MCC: variants seen among roughly 807,000 people sequenced by gnomAD.
The protein encoded by MCC is MCC regulator of Wnt signaling pathway.
MCC carries 90 observed loss-of-function variants against 116.2 expected under a neutral mutation model. The observed-to-expected ratio is 0.77, with a 90% confidence interval of 0.65 to 0.92. The LOEUF (loss-of-function observed/expected upper bound fraction) is 0.92. Ranked by LOEUF, MCC falls within the 40% of genes least tolerant of loss-of-function variation. The pLI, the probability that MCC is intolerant of heterozygous loss-of-function variation, is 0.00. For synonymous variants in MCC, 578 were observed against 510.5 expected, an observed-to-expected ratio of 1.13 and a Z score of -1.78; for missense variants, 1,516 against 1,312.2, an observed-to-expected ratio of 1.16 and a Z score of -2.40.
chr5:113,405,805 C>CAA (rs980145078), intron 1 of MCC, among the ~76,000 whole-genome samples: 1 of 140,870 alleles, frequency 7.1e-6, no homozygotes, highest in Non-Finnish European at 1.5e-5. Flanking sequence ...GACCCTATCT[C>CAA]AAAAAAAAAA....
chr5:113,174,379 A>G lies in MCC; in HGVS notation c.628-22957T>C, dbSNP rs576161879. 9.2e-5 allele frequency among the ~76,000 whole-genome samples: 14 copies of G among 152,296 alleles called. No individual in the cohort carries two copies. The South Asian group carries it at 2.1e-3, about 23-fold the overall frequency. On this transcript the variant is annotated intron_variant, in intron 3 of 18. Coordinates refer to ENST00000408903, the MANE Select transcript of MCC (RefSeq NM_001085377.2). ...GGATCACCTGCACTGTTTGGCACCTAAGGAGCACCTCTTTTGATCTAATGA... is the reference window on the plus strand; with the variant it reads ...GGATCACCTGCACTGTTTGGCACCTGAGGAGCACCTCTTTTGATCTAATGA...
intron 11 of MCC, among the ~76,000 whole-genome samples, chr5:113,077,388 T>C (rs1381987767): frequency 2.0e-5 from 3 of 152,160 alleles, no homozygotes; most frequent in Admixed American, 6.5e-5. Flanking sequence ...TATTCCAAAA[T>C]TGACCGTGTA....
chr5:113,434,665 G>A lies in MCC; in HGVS notation c.171-49453C>T, dbSNP rs1319841062. On this transcript the variant is annotated intron_variant, in intron 1 of 18. Transcript: ENST00000408903. The surrounding 1 kb of genome is among the most constrained non-coding windows in gnomAD (Gnocchi z 4.2). ...AACATGGCCAGAATCTCAATTTCCC[G>A]GGGAAGGAATTTCTCCAAGAAGTCT... 6.2e-6 allele frequency: 10 copies of A among 1,613,942 alleles called. No individual in the cohort carries two copies. Among genetic ancestry groups the A allele is most frequent in the South Asian group, 5.5e-5 (5 of 91,078 alleles).
intron 1 of MCC, among the ~76,000 whole-genome samples, chr5:113,473,350 C>T (rs1376621926): frequency 6.6e-6 from 1 of 151,882 alleles, no homozygotes; most frequent in Non-Finnish European, 1.5e-5. Flanking sequence ...ACAGTAAGAC[C>T]CCATCTCTAG....
chr5:113,446,467 T>A (rs10057000), intron 1 of MCC, among the ~76,000 whole-genome samples: 17,511 of 152,108 alleles, frequency 0.12, 1,744 homozygotes, highest in African/African-American at 0.27. Flanking sequence ...AAAGAAGACA[T>A]ATAAGTGGCT....
chr5:113,022,430 C>G lies in MCC; in HGVS notation c.*4872G>C, dbSNP rs977206791. The G allele has an allele frequency of 6.6e-6, 1 of 152,600 alleles. No individual in the cohort carries two copies. The highest frequency in any genetic ancestry group is 2.4e-5 in the African/African-American group (1 of 41,436). 9.5% of individuals were successfully genotyped at this position (152,600 alleles called of 1,614,324 possible). On this transcript the variant is annotated 3_prime_UTR_variant, in exon 19 of 19. Transcript: ENST00000408903. ...TACATTCAAGCAGGTTTTTCTAATT[C>G]AAGTGTATAGCACATATTCAAATAA...
chr5:113,281,616 G>A (rs896400267), intron 3 of MCC, among the ~76,000 whole-genome samples: 4 of 152,204 alleles, frequency 2.6e-5, no homozygotes, highest in African/African-American at 9.6e-5. Flanking sequence ...ATTGCCACTT[G>A]TTAGCTTATT....
At chr5:113,412,390 C>G (rs1298503805) in intron 1 of MCC, among the ~76,000 whole-genome samples, 1 of 152,124 alleles carries the variant, frequency 6.6e-6, no homozygotes, top group Non-Finnish European at 1.5e-5. Context: ...AATATTGATT[C>G]TTCCTATCCA....
rs1251926488 is a variant in MCC, at chr5:113,374,549, A to G, written c.415+10419T>C. 2.0e-5 allele frequency among the ~76,000 whole-genome samples: 3 copies of G among 152,224 alleles called. No homozygotes were observed. In the East Asian group the frequency reaches 5.8e-4, roughly 29 times the overall value. On this transcript the variant is annotated intron_variant, in intron 2 of 18. Coordinates refer to ENST00000408903, the MANE Select transcript of MCC (RefSeq NM_001085377.2). ...GGACAGACCGACTTACGCCCGAGCC[A>G]GAGATTTCTTTGAAGTCACATGTTT...
intron 2 of MCC, among the ~76,000 whole-genome samples, chr5:113,384,571 G>C (rs867670949): frequency 1.3e-5 from 2 of 152,304 alleles, no homozygotes; most frequent in South Asian, 4.1e-4. Flanking sequence ...CTGGGCAACA[G>C]AGCAAGACTC....
chr5:113,126,410 AT>A (rs1182631008), intron 5 of MCC, among the ~76,000 whole-genome samples: 2 of 152,222 alleles, frequency 1.3e-5, no homozygotes, highest in African/African-American at 4.8e-5. Context: ...GCACAGCCTA[AT>A]TCCTAAATTT....
rs189697490 is a variant in MCC at position 113,252,404 on chromosome 5, A to G, written c.627+88115T>C. 1.6e-4 allele frequency among the ~76,000 whole-genome samples: 25 copies of G among 152,252 alleles called. No individual in the cohort carries two copies. The East Asian group carries it at 3.9e-3, about 24-fold the overall frequency. ...TGGCATTGCATTAGATCTTCATTAGAGCATGAACTCTATTGTAAACTGAGC... is the reference window on the plus strand; with the variant it reads ...TGGCATTGCATTAGATCTTCATTAGGGCATGAACTCTATTGTAAACTGAGC... On this transcript the variant is annotated intron_variant, in intron 3 of 18. Transcript: ENST00000408903.
At chr5:113,091,893 CACACACACACCACACAA>C (rs1294048867) in intron 8 of MCC, among the ~76,000 whole-genome samples, 1 of 148,576 alleles carries the variant, frequency 6.7e-6, no homozygotes, top group Non-Finnish European at 1.5e-5. Flanking sequence ...GACACACACA[CACACACACACCACACAA>C]ACACACACAC....
At chr5:113,396,802 A>C (rs1179165501) in intron 1 of MCC, among the ~76,000 whole-genome samples, 2 of 152,184 alleles carry the variant, frequency 1.3e-5, no homozygotes, top group Non-Finnish European at 2.9e-5. Flanking sequence ...CCTGGCATAT[A>C]ATAGGTACTT....
intron 1 of MCC, among the ~76,000 whole-genome samples, chr5:113,413,232 C>CT (rs201010913): frequency 0.17 from 26,021 of 152,088 alleles, 2,450 homozygotes; most frequent in Non-Finnish European, 0.22. Context: ...CTAAAATTCT[C>CT]TTTTTTGGTT....
chr5:113,275,686 A>G (rs932998926), intron 3 of MCC, among the ~76,000 whole-genome samples: 5 of 152,346 alleles, frequency 3.3e-5, no homozygotes, highest in Admixed American at 2.0e-4. Context: ...ACAAGACAGT[A>G]TAACAACTAT....
chr5:113,444,267 A>G (rs1561576251), intron 1 of MCC, among the ~76,000 whole-genome samples: 1 of 152,296 alleles, frequency 6.6e-6, no homozygotes, highest in East Asian at 1.9e-4. Context: ...GGGAAGAAGG[A>G]ACCAAAGAGT....
At chr5:113,030,191 C>T (rs1287664997) in intron 17 of MCC, among the ~76,000 whole-genome samples, 1 of 152,154 alleles carries the variant, frequency 6.6e-6, no homozygotes, top group Non-Finnish European at 1.5e-5. Context: ...TGCCCCTTGA[C>T]TAAGCAACTT....
intron 2 of MCC, among the ~76,000 whole-genome samples, chr5:113,367,840 G>C (rs1768740761): frequency 6.6e-6 from 1 of 152,102 alleles, no homozygotes; most frequent in Non-Finnish European, 1.5e-5. Flanking sequence ...CTGGTGGTCT[G>C]GCCAGTGGCA....
Sources: allele counts gnomAD v4.1 joint callset (sites outside exome capture counted in the v4.1 genomes callset), GRCh38; gene constraint gnomAD v4.1.1; non-coding constraint Gnocchi (gnomAD v3.1); transcripts MANE v1.5; gene names NCBI Gene and HGNC (gene_info 2026-07-23, HGNC 2026-07-21).